COL1A2: variants seen among roughly 807,000 people sequenced by gnomAD.
The protein encoded by COL1A2 is collagen alpha-2(I) chain.
COL1A2 carries 49 observed loss-of-function variants against 174.3 expected under a neutral mutation model. That is an observed-to-expected ratio of 0.28 (90% CI 0.22 to 0.36). The LOEUF is 0.36. Among genes scored for constraint, COL1A2 ranks in the 10% least tolerant of loss-of-function variants. The probability of loss-of-function intolerance (pLI) is 1.00; values close to 1 mark genes in which losing one functional copy is unlikely to be tolerated. For missense variants in COL1A2, 1,438 were observed against 1,822.7 expected, an observed-to-expected ratio of 0.79 and a Z score of 3.84; for synonymous variants, 655 against 606.6, an observed-to-expected ratio of 1.08 and a Z score of -1.17.
At chr7:94,413,197 T>G in intron 26 of COL1A2, 61 bp downstream of exon 26, 1 of 1,477,752 alleles carries the variant, frequency 6.8e-7, no homozygotes, top group Admixed American at 1.7e-5. Flanking sequence ...CCACACTTTT[T>G]TTTTTACACC....
chr7:94,406,156 C>T, intron 11 of COL1A2, 94 bp from the exon 12 acceptor site: 2 of 1,325,008 alleles, frequency 1.5e-6, no homozygotes, highest in South Asian at 2.4e-5. Flanking sequence ...CAAGACTTAC[C>T]CAAGAGAGAT....
intron 17 of COL1A2, 23 bp downstream of exon 17, chr7:94,409,443 C>T (rs750317847): frequency 2.5e-6 from 4 of 1,612,850 alleles, no homozygotes; most frequent in Non-Finnish European, 2.5e-6. Flanking sequence ...TGTCTTTAAA[C>T]TTTATTGAGT....
Position 94,397,768 on chromosome 7 carries a change from AC to A in COL1A2, c.81+11del, listed in dbSNP as rs193922174. On this transcript the variant is annotated intron_variant, in intron 2 of 51. Coordinates refer to ENST00000297268, the MANE Select transcript of COL1A2 (RefSeq NM_000089.4). ...TACAGCTTTACAAGAGGTGAGTAAA[AC>A]TTTTTTTAGAATTTTTAAAAATACT... 303 of 1,313,732 alleles carry A rather than the reference AC, an allele frequency of 2.3e-4. 3 individuals carry two copies. In the South Asian group the frequency reaches 3.6e-3, roughly 16 times the overall value. 81.4% of individuals were successfully genotyped at this position (1,313,732 alleles called of 1,614,324 possible). A position where few individuals can be genotyped will look rare whatever the true frequency, so the allele number is the denominator to read the frequency against.
At chr7:94,405,530 T>G in intron 10 of COL1A2, 143 bp from the exon 11 acceptor site, 1 of 830,714 alleles carries the variant, frequency 1.2e-6, no homozygotes, top group Admixed American at 1.9e-5. Context: ...AGCAAGTTAA[T>G]TTGTCACTCT....
chr7:94,423,324 A>T, intron 40 of COL1A2: 1 of 608,350 alleles, frequency 1.6e-6, no homozygotes, highest in East Asian at 2.9e-5. Context: ...GAAGACAATA[A>T]ATGAGGGAAC....
intron 19 of COL1A2, 54 bp from the exon 20 acceptor site, chr7:94,410,184 TGCAA>T: frequency 1.9e-6 from 3 of 1,551,230 alleles, no homozygotes; most frequent in Non-Finnish European, 2.7e-6. Flanking sequence ...GAGATTTGTC[TGCAA>T]GAGAGTTTCA....
In COL1A2 at chr7:94,394,964, A is replaced by C. The variant is rs1584310178; in HGVS notation, c.-68A>C. Reference sequence around the variant, plus strand: ...CCACGACTGCATGCCCGCGCCCGCCAGGTGATACCTCCGCCGGTGACCCAG... The same window carrying C: ...CCACGACTGCATGCCCGCGCCCGCCCGGTGATACCTCCGCCGGTGACCCAG... On this transcript the variant is annotated 5_prime_UTR_variant, in exon 1 of 52. Transcript: ENST00000297268. The C allele has an allele frequency of 7.0e-7, 1 of 1,428,276 alleles. No homozygotes were observed. Among genetic ancestry groups the C allele is most frequent in the South Asian group, 1.1e-5 (1 of 87,284 alleles). 88.5% of individuals were successfully genotyped at this position (1,428,276 alleles called of 1,614,324 possible).
chr7:94,400,578 GT>G (rs1268873233), intron 5 of COL1A2, among the ~76,000 whole-genome samples: 6 of 152,142 alleles, frequency 3.9e-5, no homozygotes, highest in Non-Finnish European at 8.8e-5. Flanking sequence ...AATAAGAGGT[GT>G]TGCATTATTA....
intron 1 of COL1A2, 43 bp from the exon 2 acceptor site, chr7:94,397,705 A>G: frequency 9.1e-7 from 1 of 1,100,146 alleles, no homozygotes; most frequent in Non-Finnish European, 1.4e-6. Context: ...CCATGAAGTG[A>G]TACTAATAAT....
rs1792256407 is a variant in COL1A2 at position 94,425,626 on chromosome 7, A to G, written c.2798A>G (p.Asp933Gly). 3.7e-6 allele frequency: 6 copies of G among 1,613,974 alleles called. No homozygotes were observed. The highest frequency in any genetic ancestry group is 1.7e-5 in the Admixed American group (1 of 60,008). The change falls in exon 43 of 52, where the codon GAT becomes GGT. Residue 933 changes from aspartate (D) to glycine (G), a missense_variant. Coordinates refer to ENST00000297268, the MANE Select transcript of COL1A2 (RefSeq NM_000089.4). ...EAGRDGNPGN[D>G]GPPGRDGQPG... ...TCTTCACAGGGCAACCCTGGGAACG[A>G]TGGTCCCCCAGGTCGCGATGGTCAA...
chr7:94,410,630 A>G lies in COL1A2; in HGVS notation c.1197+103A>G, dbSNP rs41318176. ...TTACTGACTGTGTTTTCTTAGGCAAAAAAAGCATCTGCTTTCCATCTGCCT... is the reference window on the plus strand; with the variant it reads ...TTACTGACTGTGTTTTCTTAGGCAAGAAAAGCATCTGCTTTCCATCTGCCT... On this transcript the variant is annotated intron_variant, in intron 21 of 51. Coordinates refer to ENST00000297268, the MANE Select transcript of COL1A2 (RefSeq NM_000089.4). 107 of 1,040,384 alleles carry G rather than the reference A, an allele frequency of 1.0e-4. 1 individual carries two copies. The African/African-American group carries it at 1.5e-3, about 14-fold the overall frequency. The allele number at this position is 1,040,384 out of a possible 1,614,324, so 64.4% of individuals were successfully genotyped here. A position where few individuals can be genotyped will look rare whatever the true frequency, so the allele number is the denominator to read the frequency against.
chr7:94,402,973 A>G (rs113739922), intron 6 of COL1A2, among the ~76,000 whole-genome samples: 3,453 of 152,230 alleles, frequency 0.023, 136 homozygotes, highest in African/African-American at 0.079. Flanking sequence ...GTAGTTTAAA[A>G]TGTTCATATC....
chr7:94,408,214 G>C lies in COL1A2; in HGVS notation c.671G>C (p.Arg224Pro). The C allele has an allele frequency of 6.2e-7, 1 of 1,613,920 alleles. No homozygotes were observed. The highest frequency in any genetic ancestry group is 1.1e-5 in the South Asian group (1 of 91,066). Residue 224 changes from arginine (R) to proline (P), a missense_variant, in exon 14 of 52, where the codon CGT becomes CCT. Physicochemically the swap from Arg to Pro is moderately radical, Grantham distance 103 (BLOSUM62 -2). Around this residue, in one of 3 missense-constraint regions of COL1A2, gnomAD observed 281 missense variants for 310.9 expected, o/e 0.90. Transcript: ENST00000297268. ...CGTGGGCTTCCTGGTGAGAGAGGAC[G>C]TGTTGGTGCCCCTGGCCCAGCTGTA... ...GARGLPGERG[R>P]VGAPGPAGAR... is the part of the protein sequence containing the mutation.
intron 16 of COL1A2, among the ~76,000 whole-genome samples, chr7:94,409,032 T>G (rs998874558): frequency 6.6e-6 from 1 of 152,108 alleles, no homozygotes. Flanking sequence ...CCCATCGATA[T>G]AGATGACAAC....
chr7:94,427,561 C>T, intron 48 of COL1A2, 66 bp from the exon 49 acceptor site: 1 of 1,568,002 alleles, frequency 6.4e-7, no homozygotes, highest in Non-Finnish European at 8.8e-7. Flanking sequence ...TGAAAATCTG[C>T]TGCCATGGAT....
chr7:94,395,770 G>C (rs1413082835), intron 1 of COL1A2, among the ~76,000 whole-genome samples: 1 of 152,174 alleles, frequency 6.6e-6, no homozygotes, highest in Non-Finnish European at 1.5e-5. Context: ...GTGAACCCTG[G>C]AAAGAAGAAT....
Position 94,410,905 on chromosome 7 carries a change from G to C in COL1A2, c.1214G>C (p.Arg405Pro). 1 of 1,613,950 alleles carries C rather than the reference G, an allele frequency of 6.2e-7. No homozygotes were observed. Among genetic ancestry groups the C allele is most frequent in the Non-Finnish European group, 8.5e-7 (1 of 1,179,970 alleles). The stretch of plus-strand genomic sequence containing the variant: ...TTCTTGCAGGGTAGTCCTGGTTCTC[G>C]TGGTCTTCCTGGAGCTGATGGCAGA... ...PPGLRGSPGS[R>P]GLPGADGRAG... is the part of the protein sequence containing the mutation. Residue 405 changes from arginine (R) to proline (P), a missense_variant, in exon 22 of 52, where the codon CGT (arginine) becomes CCT (proline). Arg to Pro is a moderately radical substitution (Grantham distance 103). This residue lies in a region of COL1A2 where 867 missense variants were observed against 1,213.7 expected (regional missense o/e 0.71). Coordinates refer to ENST00000297268, the MANE Select transcript of COL1A2 (RefSeq NM_000089.4).
chr7:94,419,708 T>A (rs1792113371), intron 34 of COL1A2, among the ~76,000 whole-genome samples, 157 bp downstream of exon 34: 1 of 152,194 alleles, frequency 6.6e-6, no homozygotes, highest in African/African-American at 2.4e-5. Flanking sequence ...ACAAATGCTG[T>A]GTGTTTAAAA....
At chr7:94,426,810 T>C (rs1170710911) in intron 46 of COL1A2, 198 bp from the exon 47 acceptor site, 1 of 635,802 alleles carries the variant, frequency 1.6e-6, no homozygotes, top group Non-Finnish European at 2.7e-6. Flanking sequence ...TGACTAATAT[T>C]GCACTGCTGA....
Sources: gnomAD v4.1 joint callset for allele counts (sites outside exome capture counted in the v4.1 genomes callset) on GRCh38, gnomAD v4.1.1 for gene constraint, gnomAD v4.1.1 regional missense constraint, MANE v1.5 for transcripts, NCBI Gene and HGNC (gene_info 2026-07-23, HGNC 2026-07-21) for gene names.